Variants in COBL observed in about 807,000 individuals in gnomAD.
The protein encoded by COBL is protein cordon-bleu.
Under a neutral mutation model 98.8 loss-of-function variants are expected in COBL, and 51 were observed. The ratio of observed to expected loss-of-function variants is 0.52; its 90% CI spans 0.41 to 0.65. The LOEUF is 0.65. COBL is among the 30% of genes least tolerant of loss of function. The pLI, the probability that COBL is intolerant of heterozygous loss-of-function variation, is 0.00. For missense variants in COBL, 1,617 were observed against 1,617.5 expected, an observed-to-expected ratio of 1.00 and a Z score of 0.01; for synonymous variants, 634 against 651.7, an observed-to-expected ratio of 0.97 and a Z score of 0.41.
intron 4 of COBL, among the ~76,000 whole-genome samples, chr7:51,188,651 G>C (rs1490770179): frequency 6.6e-6 from 1 of 152,184 alleles, no homozygotes; most frequent in Admixed American, 6.5e-5. Flanking sequence ...GGAGGTTTGG[G>C]AGCAGCTAGT....
chr7:51,023,804 TC>T (rs1787181932), intron 12 of COBL, among the ~76,000 whole-genome samples: 1 of 152,182 alleles, frequency 6.6e-6, no homozygotes, highest in African/African-American at 2.4e-5. Context: ...GGTTACCTGC[TC>T]TCTACGGAGC....
chr7:51,124,136 G>T (rs1279448953), intron 6 of COBL, among the ~76,000 whole-genome samples: 1 of 152,188 alleles, frequency 6.6e-6, no homozygotes, highest in Non-Finnish European at 1.5e-5. Context: ...CTAGCAGAGT[G>T]CCTGGGATGC....
At chr7:51,041,282 T>G (rs1345926305) in intron 8 of COBL, among the ~76,000 whole-genome samples, 1 of 152,084 alleles carries the variant, frequency 6.6e-6, no homozygotes, top group African/African-American at 2.4e-5. Context: ...CATGGGGAAG[T>G]GCTCATGACA....
intron 2 of COBL, among the ~76,000 whole-genome samples, chr7:51,217,437 G>A (rs1052189167): frequency 2.7e-5 from 4 of 150,334 alleles, no homozygotes; most frequent in African/African-American, 9.9e-5. Flanking sequence ...CATCTCCCGG[G>A]TTCAAGTGAT....
chr7:51,174,255 TAA>T (rs1270277040), intron 5 of COBL, among the ~76,000 whole-genome samples: 3 of 152,194 alleles, frequency 2.0e-5, no homozygotes, highest in Non-Finnish European at 4.4e-5. Flanking sequence ...CTGCTCAGCC[TAA>T]GTTTCTTCCC....
intron 1 of COBL, among the ~76,000 whole-genome samples, chr7:51,260,490 G>A (rs749343906): frequency 6.6e-6 from 1 of 152,296 alleles, no homozygotes; most frequent in East Asian, 1.9e-4. Context: ...TCCATCACTG[G>A]TAGGAAACAC....
intron 2 of COBL, among the ~76,000 whole-genome samples, chr7:51,201,550 G>C (rs540060218): frequency 6.6e-6 from 1 of 152,268 alleles, no homozygotes; most frequent in African/African-American, 2.4e-5. Flanking sequence ...ATAATGGATA[G>C]ACCATTCTGG....
chr7:51,314,964 T>A (rs543188078), intron 1 of COBL, among the ~76,000 whole-genome samples: 2 of 152,206 alleles, frequency 1.3e-5, no homozygotes, highest in African/African-American at 2.4e-5. Flanking sequence ...CTTCTATCAT[T>A]AGACTCCCTT....
At chr7:51,103,609 T>C (rs1438811132) in intron 6 of COBL, among the ~76,000 whole-genome samples, 2 of 152,324 alleles carry the variant, frequency 1.3e-5, no homozygotes, top group East Asian at 3.9e-4. Flanking sequence ...CATTTTACTT[T>C]AAATAAACCT....
chr7:51,049,315 A>G (rs1428681843), intron 7 of COBL, among the ~76,000 whole-genome samples: 1 of 152,106 alleles, frequency 6.6e-6, no homozygotes, highest in African/African-American at 2.4e-5. Context: ...GAGTTTCCTG[A>G]TGGGTGAGGG....
intron 12 of COBL, among the ~76,000 whole-genome samples, chr7:51,018,192 GGTGGTGGTGATGGCGGTGGTTGTGGCA>G (rs1786482651): frequency 6.6e-6 from 1 of 152,010 alleles, no homozygotes; most frequent in Non-Finnish European, 1.5e-5. Context: ...TGGTAATCGT[GGTGGTGGTGATGGCGGTGGTTGTGGCA>G]GTGGTGATGG....
At chr7:51,202,649 G>C (rs1195760442) in intron 2 of COBL, among the ~76,000 whole-genome samples, 1 of 152,158 alleles carries the variant, frequency 6.6e-6, no homozygotes, top group Non-Finnish European at 1.5e-5. Flanking sequence ...AAAATATCTT[G>C]AGACAAATGA....
intron 2 of COBL, among the ~76,000 whole-genome samples, chr7:51,216,590 C>T (rs538258330): frequency 6.6e-6 from 1 of 152,170 alleles, no homozygotes; most frequent in South Asian, 2.1e-4. Flanking sequence ...CCCCTATGAA[C>T]GGCTCAGAGC....
At chr7:51,165,564 C>T (rs1033483507) in intron 5 of COBL, among the ~76,000 whole-genome samples, 2 of 151,846 alleles carry the variant, frequency 1.3e-5, no homozygotes, top group African/African-American at 2.4e-5. Context: ...ATCTTCCAAA[C>T]AAAAAGCAAC....
rs140495294 is a variant in COBL at position 51,036,770 on chromosome 7, G to A, written c.1407-5861C>T. ...GGAGAAGCTACACTCTCTACCTTTG[G>A]TGGCTCTGCATATGATTTCAGTTTG... is the stretch of plus-strand genomic sequence containing the variant. On this transcript the variant is annotated intron_variant, in intron 8 of 12. Coordinates refer to ENST00000265136, the MANE Select transcript of COBL (RefSeq NM_015198.5). 5.0e-4 allele frequency among the ~76,000 whole-genome samples: 76 copies of A among 152,276 alleles called. 1 individual carries two copies. Among genetic ancestry groups the A allele is most frequent in the African/African-American group, 1.8e-3 (73 of 41,552 alleles).
chr7:51,187,887 G>A (rs1451428982), intron 4 of COBL: 6 of 1,231,298 alleles, frequency 4.9e-6, no homozygotes, highest in Non-Finnish European at 5.1e-6. Flanking sequence ...CTCACAGCGG[G>A]AGCGGGAAGC....
chr7:51,166,403 G>C (rs1469598839), intron 5 of COBL, among the ~76,000 whole-genome samples: 4 of 151,888 alleles, frequency 2.6e-5, no homozygotes, highest in African/African-American at 4.8e-5. Context: ...GATTGAATCA[G>C]GGAGAAATTT....
In COBL at chr7:51,211,212, C is replaced by T. The variant is rs113108811; in HGVS notation, c.245+8529G>A. ...CCTCACCACCTCTGATGGAGCAGCC[C>T]CATCCTGATCTGCAGCTTTGCCCAT... is the stretch of plus-strand genomic sequence containing the variant. On this transcript the variant is annotated intron_variant, in intron 2 of 12. Coordinates refer to ENST00000265136, the MANE Select transcript of COBL (RefSeq NM_015198.5). Among the ~76,000 whole-genome samples the T allele has an allele frequency of 9.2e-3, 1,396 of 152,272 alleles. 18 individuals carry two copies. The highest frequency in any genetic ancestry group is 0.032 in the African/African-American group (1,316 of 41,538).
At chr7:51,232,078 C>T (rs11972280) in intron 1 of COBL, among the ~76,000 whole-genome samples, 6,945 of 152,174 alleles carry the variant, frequency 0.046, 509 homozygotes, top group African/African-American at 0.16. Context: ...GAAATAGGAC[C>T]GTTCTGGTAG....
Sources: allele counts gnomAD v4.1 joint callset (sites outside exome capture counted in the v4.1 genomes callset), GRCh38; gene constraint gnomAD v4.1.1; transcripts MANE v1.5; gene names NCBI Gene and HGNC (gene_info 2026-07-23, HGNC 2026-07-21).